Variants in SLC12A1 observed in about 807,000 individuals in gnomAD.
The protein encoded by SLC12A1 is Na-K-2Cl cotransporter.
Under a neutral mutation model 130.4 loss-of-function variants are expected in SLC12A1, and 89 were observed. That is an observed-to-expected ratio of 0.68 (90% CI 0.58 to 0.81). SLC12A1 has a LOEUF of 0.81. Ranked by LOEUF, SLC12A1 falls within the 40% of genes least tolerant of loss-of-function variation. SLC12A1 has a pLI of 0.00. For missense variants in SLC12A1, 1,310 were observed against 1,336.4 expected (o/e 0.98, Z 0.31); for synonymous variants, 499 against 460.0 (o/e 1.08, Z -1.09).
rs1428870255 is a variant in SLC12A1 at position 48,230,460 on chromosome 15, T to C, written c.932T>C (p.Ile311Thr). ...ATTATAGGCTCCATCACAGTGGTGA[T>C]TCTTCTAGGAATTTCAGTAGCTGGA... ...IRIIGSITVV[I>T]LLGISVAGME... The change falls in exon 7 of 27, where the codon ATT becomes ACT. Residue 311 changes from isoleucine to threonine, a missense_variant. Physicochemically the swap from Ile to Thr is moderately conservative, Grantham distance 89. Coordinates refer to ENST00000380993, the MANE Select transcript of SLC12A1 (RefSeq NM_000338.3). 1 of 1,612,968 alleles carries C rather than the reference T, an allele frequency of 6.2e-7. No homozygotes were observed. Among genetic ancestry groups the C allele is most frequent in the Non-Finnish European group, 8.5e-7 (1 of 1,179,550 alleles).
rs1016540295 is a variant in SLC12A1 at position 48,267,597 on chromosome 15, G to A, written c.2191G>A (p.Gly731Ser). Residue 731 changes from glycine (G) to serine (S), a missense_variant, in exon 18 of 27, where the codon GGC (glycine) becomes AGC (serine). By Grantham distance (56) the Gly-to-Ser change is moderately conservative. Coordinates refer to ENST00000380993, the MANE Select transcript of SLC12A1 (RefSeq NM_000338.3). ...RKLCVKEMNS[G>S]MAKKQAWLIK... Reference sequence around the variant, plus strand: ...ACTGTGTGTTAAGGAGATGAACAGTGGCATGGCGAAAAAACAGGCCTGGCT... The same window carrying A: ...ACTGTGTGTTAAGGAGATGAACAGTAGCATGGCGAAAAAACAGGCCTGGCT... 2 of 1,613,420 alleles carry A rather than the reference G, an allele frequency of 1.2e-6. No homozygotes were observed. Among genetic ancestry groups the A allele is most frequent in the Admixed American group, 3.3e-5 (2 of 59,962 alleles).
chr15:48,263,683 TTTTATTTA>T (rs201165308), intron 17 of SLC12A1, among the ~76,000 whole-genome samples: 1 of 151,642 alleles, frequency 6.6e-6, no homozygotes, highest in East Asian at 1.9e-4. Flanking sequence ...CTCACTTTAT[TTTTATTTA>T]TTTATTTATT....
chr15:48,290,397 AAAT>A lies in SLC12A1; in HGVS notation c.2874-1372_2874-1370del, dbSNP rs543540175. Among the ~76,000 whole-genome samples the A allele has an allele frequency of 7.2e-5, 11 of 152,322 alleles. No individual in the cohort carries two copies. In the South Asian group the frequency reaches 2.3e-3, roughly 32 times the overall value. ...TAATAAGTAGAAGGAGTACACTCTA[AAAT>A]AATAATAAAAGGTATAGTATGTAAA... On this transcript the variant is annotated intron_variant, in intron 23 of 26. Transcript: ENST00000380993.
At chr15:48,281,410 A>G (rs1322233329) in intron 20 of SLC12A1, among the ~76,000 whole-genome samples, 3 of 152,224 alleles carry the variant, frequency 2.0e-5, no homozygotes, top group Non-Finnish European at 4.4e-5. Flanking sequence ...TTAGTGGAAT[A>G]AAGGTTTAAG....
chr15:48,234,126 C>G (rs1289689528), intron 8 of SLC12A1, among the ~76,000 whole-genome samples: 1 of 151,980 alleles, frequency 6.6e-6, no homozygotes, highest in Non-Finnish European at 1.5e-5. Flanking sequence ...CTTCAACTAC[C>G]AAAAAAGGCA....
chr15:48,212,568 ATTCC>A (rs2041066133), intron 2 of SLC12A1, among the ~76,000 whole-genome samples: 1 of 152,190 alleles, frequency 6.6e-6, no homozygotes, highest in African/African-American at 2.4e-5. Flanking sequence ...ATCCAGCCTA[ATTCC>A]TGTGACCAAC....
chr15:48,238,298 G>T (rs777585370), intron 9 of SLC12A1, among the ~76,000 whole-genome samples: 2 of 152,196 alleles, frequency 1.3e-5, no homozygotes, highest in Non-Finnish European at 2.9e-5. Context: ...TGTCTAGTGA[G>T]TGGGTAGCTA....
chr15:48,263,269 C>T (rs1454836307), intron 17 of SLC12A1, among the ~76,000 whole-genome samples: 1 of 152,078 alleles, frequency 6.6e-6, no homozygotes, highest in Non-Finnish European at 1.5e-5. Flanking sequence ...ATTTGGAACA[C>T]AAATCAGATA....
intron 2 of SLC12A1, among the ~76,000 whole-genome samples, chr15:48,212,592 C>T (rs1053317240): frequency 1.3e-5 from 2 of 152,118 alleles, no homozygotes; most frequent in Admixed American, 1.3e-4. Flanking sequence ...CTTTTCATAT[C>T]CAATTCCTTA....
At chr15:48,222,404 G>A (rs1207169491) in intron 4 of SLC12A1, 1 of 151,970 alleles carries the variant, frequency 6.6e-6, no homozygotes, top group African/African-American at 2.4e-5. Context: ...CAAAACTGTA[G>A]AGAATGAAGA....
intron 24 of SLC12A1, among the ~76,000 whole-genome samples, chr15:48,295,819 C>T (rs2042172417): frequency 6.6e-6 from 1 of 152,146 alleles, no homozygotes; most frequent in Non-Finnish European, 1.5e-5. Flanking sequence ...AGCCTCCTAC[C>T]ATAGTGATGC....
chr15:48,291,377 T>G (rs976453403), intron 23 of SLC12A1, among the ~76,000 whole-genome samples: 1 of 151,780 alleles, frequency 6.6e-6, no homozygotes, highest in East Asian at 1.9e-4. Context: ...TTATGATATA[T>G]TGTATGATAA....
chr15:48,294,595 C>T (rs905404745), intron 24 of SLC12A1, among the ~76,000 whole-genome samples: 1 of 152,106 alleles, frequency 6.6e-6, no homozygotes, highest in African/African-American at 2.4e-5. Flanking sequence ...TCTCTGGTAG[C>T]CTTCCACTTT....
intron 4 of SLC12A1, chr15:48,225,257 T>G (rs2041269547): frequency 6.6e-6 from 1 of 152,200 alleles, no homozygotes; most frequent in Non-Finnish European, 1.5e-5. Context: ...TCTTTCCACT[T>G]TACCCATCTG....
At chr15:48,292,148 A>G (rs932442814) in intron 24 of SLC12A1, among the ~76,000 whole-genome samples, 1 of 152,252 alleles carries the variant, frequency 6.6e-6, no homozygotes, top group Non-Finnish European at 1.5e-5. Flanking sequence ...TGGTGGCAAG[A>G]GCAGCACGAA....
chr15:48,298,043 C>G (rs1019742369), intron 24 of SLC12A1, among the ~76,000 whole-genome samples: 1 of 152,202 alleles, frequency 6.6e-6, no homozygotes, highest in Non-Finnish European at 1.5e-5. Context: ...AGTCTCTTAA[C>G]AAAGGCTCAC....
At chr15:48,230,228 A>G (rs529234629) in intron 6 of SLC12A1, among the ~76,000 whole-genome samples, 165 bp from the exon 7 acceptor site, 1 of 152,344 alleles carries the variant, frequency 6.6e-6, no homozygotes, top group East Asian at 1.9e-4. Flanking sequence ...ACAGAAAAAA[A>G]TGCTAGGTTT....
At position 48,220,690 on chromosome 15, in the gene SLC12A1, T is replaced by C. The variant is rs199678660; in HGVS notation, c.477T>C (p.Pro159=). The C allele has an allele frequency of 5.1e-5, 82 of 1,613,692 alleles. No homozygotes were observed. Among genetic ancestry groups the C allele is most frequent in the Non-Finnish European group, 6.3e-5 (74 of 1,179,802 alleles). The part of the protein sequence containing the change: ...ADRVANGDGI[P]GDEQAENKED... ...GAGTTGCTAACGGTGATGGGATACC[T>C]GGAGATGAACAAGCTGAAAATAAGG... The change falls in exon 3 of 27, where the codon CCT becomes CCC. Residue 159 remains proline (P), a synonymous_variant. Coordinates refer to ENST00000380993, the MANE Select transcript of SLC12A1 (RefSeq NM_000338.3).
intron 16 of SLC12A1, among the ~76,000 whole-genome samples, chr15:48,256,310 T>A (rs996754296): frequency 2.0e-5 from 3 of 152,234 alleles, no homozygotes; most frequent in Non-Finnish European, 2.9e-5. Context: ...TAGTTGTATC[T>A]TATTTTGAAT....
Sources: gnomAD v4.1 joint callset for allele counts (sites outside exome capture counted in the v4.1 genomes callset) on GRCh38, gnomAD v4.1.1 for gene constraint, MANE v1.5 for transcripts, NCBI Gene and HGNC (gene_info 2026-07-23, HGNC 2026-07-21) for gene names.